KANSL1: variants seen among roughly 807,000 people sequenced by gnomAD.
The protein encoded by KANSL1 is KAT8 regulatory NSL complex subunit 1, also known as MLL1/MLL complex subunit KANSL1.
In KANSL1, 22 loss-of-function variants were observed where a neutral mutation model predicts 103.6. The observed-to-expected ratio is 0.21, with a 90% CI of 0.15 to 0.30. The LOEUF is 0.30. KANSL1 is among the 10% of genes least tolerant of loss of function. KANSL1 has a pLI of 1.00. For synonymous variants in KANSL1, 600 were observed against 527.6 expected (o/e 1.14, Z -1.88); for missense variants, 1,337 against 1,399.8 (o/e 0.96, Z 0.72).
chr17:46,157,688 T>TA (rs1411086721), intron 2 of KANSL1, among the ~76,000 whole-genome samples: 3 of 152,260 alleles, frequency 2.0e-5, no homozygotes, highest in Non-Finnish European at 4.4e-5. Flanking sequence ...CTTTTCTACT[T>TA]ACACTATCAA....
chr17:46,172,910 A>T (rs1024437719), intron 1 of KANSL1, among the ~76,000 whole-genome samples: 2 of 152,134 alleles, frequency 1.3e-5, no homozygotes, highest in African/African-American at 4.8e-5. Flanking sequence ...CCTCTCTCTC[A>T]TACTTAATTG....
At chr17:46,077,560 TTTTTA>T (rs1375054084) in intron 4 of KANSL1, among the ~76,000 whole-genome samples, 3 of 152,136 alleles carry the variant, frequency 2.0e-5, no homozygotes, top group Non-Finnish European at 4.4e-5. Context: ...TTTCATGATT[TTTTTA>T]TTTTATTTTT....
chr17:46,052,564 C>T (rs1023339741), intron 6 of KANSL1, among the ~76,000 whole-genome samples: 1 of 151,756 alleles, frequency 6.6e-6, no homozygotes, highest in African/African-American at 2.4e-5. Flanking sequence ...GAGATCACAC[C>T]ACTGCACTCC....
intron 4 of KANSL1, among the ~76,000 whole-genome samples, chr17:46,076,042 G>A (rs2078755232): frequency 6.6e-6 from 1 of 152,214 alleles, no homozygotes; most frequent in African/African-American, 2.4e-5. Flanking sequence ...ACAAAGTGCA[G>A]TCTGGAACAA....
chr17:46,188,538 C>G (rs1176945966), intron 1 of KANSL1, among the ~76,000 whole-genome samples: 1 of 152,216 alleles, frequency 6.6e-6, no homozygotes, highest in Non-Finnish European at 1.5e-5. Context: ...GTGTTCTTTG[C>G]ACTGACACAG....
chr17:46,215,703 T>C (rs1426485940), intron 1 of KANSL1, among the ~76,000 whole-genome samples: 1 of 152,164 alleles, frequency 6.6e-6, no homozygotes, highest in Non-Finnish European at 1.5e-5. Flanking sequence ...GATACGAAGA[T>C]AGGAAGAGGT....
At chr17:46,064,682 T>A (rs920568298) in intron 6 of KANSL1, among the ~76,000 whole-genome samples, 3 of 152,006 alleles carry the variant, frequency 2.0e-5, no homozygotes, top group Non-Finnish European at 4.4e-5. Context: ...CATACCACAC[T>A]CTCTTGGTTT....
At chr17:46,212,435 G>A (rs2048194824) in intron 1 of KANSL1, among the ~76,000 whole-genome samples, 2 of 152,122 alleles carry the variant, frequency 1.3e-5, no homozygotes, top group African/African-American at 4.8e-5. Flanking sequence ...TGGCCAGGAT[G>A]GTCTCGATCT....
At chr17:46,089,273 C>T (rs1046698612) in intron 3 of KANSL1, among the ~76,000 whole-genome samples, 1 of 152,124 alleles carries the variant, frequency 6.6e-6, no homozygotes, top group Non-Finnish European at 1.5e-5. Flanking sequence ...ATTCTTTCTC[C>T]AGAGAGCAAT....
intron 2 of KANSL1, among the ~76,000 whole-genome samples, chr17:46,106,828 G>GAACTGAGGAGATATGGA (rs141004635): frequency 0.14 from 21,610 of 151,890 alleles, 2,114 homozygotes; most frequent in Non-Finnish European, 0.22. Flanking sequence ...TGGTAAAAAG[G>GAACTGAGGAGATATGGA]AACAAAACAA....
At chr17:46,132,813 T>C (rs1367470304) in intron 2 of KANSL1, among the ~76,000 whole-genome samples, 1 of 152,160 alleles carries the variant, frequency 6.6e-6, no homozygotes, top group African/African-American at 2.4e-5. Flanking sequence ...CATGGTGGCA[T>C]GTGCCTATAG....
At chr17:46,129,076 G>C (rs2043716910) in intron 2 of KANSL1, among the ~76,000 whole-genome samples, 1 of 149,890 alleles carries the variant, frequency 6.7e-6, no homozygotes, top group South Asian at 2.1e-4. Context: ...GGAATAGAAT[G>C]TAGAGATGAA....
intron 2 of KANSL1, among the ~76,000 whole-genome samples, chr17:46,105,067 C>T (rs2042474733): frequency 6.6e-6 from 1 of 152,166 alleles, no homozygotes; most frequent in Non-Finnish European, 1.5e-5. Context: ...CCCACCTCGG[C>T]TTCCCAAAGT....
At chr17:46,217,954 A>T (rs942097534) in intron 1 of KANSL1, among the ~76,000 whole-genome samples, 1 of 152,198 alleles carries the variant, frequency 6.6e-6, no homozygotes, top group African/African-American at 2.4e-5. Flanking sequence ...TGAACCTGAG[A>T]GGCAGAGGTT....
intron 1 of KANSL1, among the ~76,000 whole-genome samples, chr17:46,185,678 T>TAC (rs747914948): frequency 0.12 from 16,116 of 137,354 alleles, 1,233 homozygotes; most frequent in Non-Finnish European, 0.16. Context: ...CACATATATA[T>TAC]ACACACACAT....
At chr17:46,126,217 G>A (rs370221259) in intron 2 of KANSL1, among the ~76,000 whole-genome samples, 1 of 152,118 alleles carries the variant, frequency 6.6e-6, no homozygotes, top group Non-Finnish European at 1.5e-5. Flanking sequence ...CGAGTCAGGC[G>A]GATCACCTGA....
intron 2 of KANSL1, among the ~76,000 whole-genome samples, chr17:46,168,311 A>G (rs1054683731): frequency 2.6e-5 from 4 of 152,346 alleles, no homozygotes; most frequent in Non-Finnish European, 5.9e-5. Context: ...CAAGAACTTT[A>G]AAGTATTTAT....
At chr17:46,219,513 C>T (rs1251180999) in intron 1 of KANSL1, among the ~76,000 whole-genome samples, 7 of 152,204 alleles carry the variant, frequency 4.6e-5, no homozygotes, top group African/African-American at 1.7e-4. Context: ...CAGGTGCACA[C>T]CACCATGCCT....
chr17:46,080,656 G>C (rs1870297919), intron 4 of KANSL1, among the ~76,000 whole-genome samples: 2 of 151,938 alleles, frequency 1.3e-5, no homozygotes, highest in South Asian at 4.1e-4. Context: ...TATGCTCTGC[G>C]CCCATTCTAC....
Sources: allele counts gnomAD v4.1 joint callset (sites outside exome capture counted in the v4.1 genomes callset), GRCh38; gene constraint gnomAD v4.1.1; transcripts MANE v1.5; gene names NCBI Gene and HGNC (gene_info 2026-07-23, HGNC 2026-07-21).